NLK: variants seen among roughly 807,000 people sequenced by gnomAD.
The protein encoded by NLK is nemo like kinase.
Under a neutral mutation model 59.0 loss-of-function variants are expected in NLK, and 11 were observed. That is an observed-to-expected ratio of 0.19 (90% confidence interval 0.12 to 0.31). NLK has a LOEUF of 0.31. NLK is among the 10% of genes least tolerant of loss of function. The pLI, the probability that NLK is intolerant of heterozygous loss-of-function variation, is 1.00. For synonymous variants in NLK, 235 were observed against 235.9 expected (o/e 1.00, Z 0.03); for missense variants, 410 against 661.1 (o/e 0.62, Z 4.16).
chr17:28,146,879 C>T (rs1907277411), intron 3 of NLK, among the ~76,000 whole-genome samples: 1 of 152,120 alleles, frequency 6.6e-6, no homozygotes, highest in Admixed American at 6.6e-5. Flanking sequence ...CCTCTTTGCT[C>T]TGTATAATGG....
At chr17:28,191,246 A>G in intron 9 of NLK, 27 bp downstream of exon 9, 5 of 1,553,362 alleles carry the variant, frequency 3.2e-6, no homozygotes, top group South Asian at 1.2e-5. Flanking sequence ...GCCTTTGGCC[A>G]GGCAATATGC....
intron 1 of NLK, among the ~76,000 whole-genome samples, chr17:28,058,526 T>A (rs1283935356): frequency 6.6e-6 from 1 of 152,198 alleles, no homozygotes; most frequent in Non-Finnish European, 1.5e-5. Context: ...AAGATTCGGG[T>A]CATGTCTTAG....
intron 1 of NLK, among the ~76,000 whole-genome samples, chr17:28,067,297 A>G: frequency 6.6e-6 from 1 of 152,106 alleles, no homozygotes; most frequent in East Asian, 1.9e-4. Context: ...GTAGACCTTT[A>G]TTTTTATTTT....
intron 1 of NLK, among the ~76,000 whole-genome samples, chr17:28,115,748 T>G (rs1280539501): frequency 6.6e-6 from 1 of 152,154 alleles, no homozygotes; most frequent in African/African-American, 2.4e-5. Flanking sequence ...ATCTTTCCAT[T>G]TATTCTTTAA....
intron 1 of NLK, among the ~76,000 whole-genome samples, chr17:28,073,808 T>G (rs746753178): frequency 3.9e-5 from 6 of 152,194 alleles, no homozygotes; most frequent in Admixed American, 2.0e-4. Context: ...CTTTTACGTT[T>G]GTTTCTATAC....
intron 1 of NLK, among the ~76,000 whole-genome samples, chr17:28,059,808 C>T (rs551998312): frequency 5.9e-4 from 90 of 152,178 alleles, no homozygotes; most frequent in African/African-American, 2.2e-3. Flanking sequence ...CAATTTCAAA[C>T]CACTAATGTG....
intron 3 of NLK, among the ~76,000 whole-genome samples, chr17:28,154,713 G>C (rs1907628741): frequency 6.6e-6 from 1 of 151,972 alleles, no homozygotes; most frequent in Admixed American, 6.6e-5. Context: ...TCTATATATA[G>C]GATGTTTATC....
chr17:28,122,099 C>T (rs1447368409), intron 1 of NLK, among the ~76,000 whole-genome samples: 1 of 152,180 alleles, frequency 6.6e-6, no homozygotes, highest in African/African-American at 2.4e-5. Context: ...CAGTGTTCAA[C>T]TGCTGCTTAT....
chr17:28,078,026 AAAG>A (rs1910225390), intron 1 of NLK, among the ~76,000 whole-genome samples: 1 of 152,054 alleles, frequency 6.6e-6, no homozygotes, highest in Non-Finnish European at 1.5e-5. Flanking sequence ...TCACCAATAA[AAAG>A]AATTCATAAA....
intron 1 of NLK, among the ~76,000 whole-genome samples, chr17:28,108,760 A>C (rs1905318237): frequency 6.6e-6 from 1 of 152,180 alleles, no homozygotes; most frequent in African/African-American, 2.4e-5. Flanking sequence ...TACTATATTA[A>C]TTACTAGATT....
Position 28,042,801 on chromosome 17 carries a change from T to G in NLK, c.-73T>G. On this transcript the variant is annotated 5_prime_UTR_variant, in exon 1 of 11. Coordinates refer to ENST00000407008, the MANE Select transcript of NLK (RefSeq NM_016231.5). The stretch of plus-strand genomic sequence containing the variant: ...TGTTTTTTGAGGTGGAGTGAGTGGT[T>G]TTTCTTCATTTTTAAATGGCCAAAT... The G allele has an allele frequency of 1.4e-5, 19 of 1,359,102 alleles. No individual in the cohort carries two copies. Among genetic ancestry groups the G allele is most frequent in the East Asian group, 2.6e-5 (1 of 39,106 alleles). The allele number at this position is 1,359,102 out of a possible 1,614,324, so 84.2% of individuals were successfully genotyped here. A position where few individuals can be genotyped will look rare whatever the true frequency, so the allele number is the denominator to read the frequency against.
At chr17:28,173,458 G>GAA (rs1017772502) in intron 7 of NLK, among the ~76,000 whole-genome samples, 1 of 151,890 alleles carries the variant, frequency 6.6e-6, no homozygotes, top group Non-Finnish European at 1.5e-5. Context: ...GTGGCAAAGG[G>GAA]AAGACCTCAC....
At chr17:28,100,056 A>G (rs1904853486) in intron 1 of NLK, among the ~76,000 whole-genome samples, 1 of 152,220 alleles carries the variant, frequency 6.6e-6, no homozygotes, top group Non-Finnish European at 1.5e-5. Context: ...GAATCACACA[A>G]TTGTGAACAT....
At position 28,190,685 on chromosome 17, in the gene NLK, G is replaced by A. The variant is rs190440252; in HGVS notation, c.1237-336G>A. ...ATAGCCTGTTATTTAAAAGGTAAACGTAACCCCTTCAAAGCACTACATAGT... is the reference window on the plus strand; with the variant it reads ...ATAGCCTGTTATTTAAAAGGTAAACATAACCCCTTCAAAGCACTACATAGT... On this transcript the variant is annotated intron_variant, in intron 8 of 10. Transcript: ENST00000407008. Among the ~76,000 whole-genome samples, 15 of 152,150 alleles carry A rather than the reference G, an allele frequency of 9.9e-5. No individual in the cohort carries two copies. The East Asian group carries it at 2.7e-3, about 27-fold the overall frequency.
chr17:28,165,938 C>T (rs1219740503), intron 5 of NLK, among the ~76,000 whole-genome samples: 2 of 152,104 alleles, frequency 1.3e-5, no homozygotes, highest in African/African-American at 2.4e-5. Context: ...TTATTTTGGC[C>T]GGGCGCAGTG....
At chr17:28,051,931 A>G (rs1197118482) in intron 1 of NLK, among the ~76,000 whole-genome samples, 1 of 152,146 alleles carries the variant, frequency 6.6e-6, no homozygotes, top group Non-Finnish European at 1.5e-5. Flanking sequence ...TGTTTAAAGG[A>G]GGAATGAGAT....
At chr17:28,148,232 TACCCTGCCCCCACCCCCCC>T (rs1907336270) in intron 3 of NLK, among the ~76,000 whole-genome samples, 1 of 152,138 alleles carries the variant, frequency 6.6e-6, no homozygotes, top group Non-Finnish European at 1.5e-5. Context: ...CCAAGCCCTG[TACCCTGCCCCCACCCCCCC>T]ACAAAAAGTA....
At chr17:28,068,498 A>G (rs979177384) in intron 1 of NLK, among the ~76,000 whole-genome samples, 1 of 152,106 alleles carries the variant, frequency 6.6e-6, no homozygotes, top group Non-Finnish European at 1.5e-5. Flanking sequence ...TTGTGATTAG[A>G]ATATGTGGTT....
chr17:28,180,826 A>T (rs1186734092), intron 7 of NLK, among the ~76,000 whole-genome samples: 1 of 151,806 alleles, frequency 6.6e-6, no homozygotes, highest in African/African-American at 2.4e-5. Context: ...TTTACACAAT[A>T]AAAAAAAATT....
Sources: allele counts gnomAD v4.1 joint callset (sites outside exome capture counted in the v4.1 genomes callset), GRCh38; gene constraint gnomAD v4.1.1; transcripts MANE v1.5; gene names NCBI Gene and HGNC (gene_info 2026-07-23, HGNC 2026-07-21).